The following ADAMTSL5 variants were observed in gnomAD, a reference collection of about 807,000 sequenced individuals.
ADAMTSL5 encodes the protein ADAMTS-like protein 5.
ADAMTSL5 carries 53 observed loss-of-function variants against 51.7 expected under a neutral mutation model. That is an observed-to-expected ratio of 1.03 (90% CI 0.82 to 1.29). The LOEUF is 1.29. Among genes scored for constraint, ADAMTSL5 ranks in the 50% most tolerant of loss-of-function variants. ADAMTSL5 has a pLI of 0.00. For synonymous variants in ADAMTSL5, 285 were observed against 278.7 expected, an observed-to-expected ratio of 1.02 and a Z score of -0.23; for missense variants, 770 against 676.2, an observed-to-expected ratio of 1.14 and a Z score of -1.54.
intron 8 of ADAMTSL5, 34 bp from the exon 9 acceptor site, chr19:1,507,439 C>T (rs749494871): frequency 2.8e-5 from 44 of 1,594,464 alleles, no homozygotes; most frequent in Non-Finnish European, 3.5e-5. Flanking sequence ...AGGAACCTGT[C>T]GTCTCGTCTC....
At chr19:1,507,480 A>G in intron 8 of ADAMTSL5, 75 bp from the exon 9 acceptor site, 1 of 1,610,570 alleles carries the variant, frequency 6.2e-7, no homozygotes, top group East Asian at 2.2e-5. Context: ...CTCAGGCCTC[A>G]GTCTCCCCAT....
chr19:1,511,879 A>G (rs868752501), intron 1 of ADAMTSL5: 2 of 291,376 alleles, frequency 6.9e-6, no homozygotes, highest in Middle Eastern at 1.3e-3. Context: ...GACCTGGCCC[A>G]GGTCCGTTCG....
At chr19:1,508,172 G>A in intron 6 of ADAMTSL5, 63 bp from the exon 7 acceptor site, 4 of 1,453,778 alleles carry the variant, frequency 2.8e-6, no homozygotes, top group East Asian at 2.4e-5. Context: ...TGGGGAAAGG[G>A]CAGTGCCTGG....
chr19:1,511,821 C>T (rs933709654), intron 1 of ADAMTSL5: 4 of 326,610 alleles, frequency 1.2e-5, no homozygotes, highest in African/African-American at 6.5e-5. Flanking sequence ...CCCTCAGCTC[C>T]CAGACAGCAG....
intron 5 of ADAMTSL5, 78 bp downstream of exon 5, chr19:1,510,072 C>T (rs978912503): frequency 1.7e-6 from 2 of 1,194,180 alleles, no homozygotes; most frequent in Non-Finnish European, 2.3e-6. Context: ...TCTTTGCAAC[C>T]CTCCAAGACC....
Position 1,507,253 on chromosome 19 carries a change from G to T in ADAMTSL5, c.841C>A (p.Leu281Met). Reference protein sequence around the residue: ...LQAAGPTSHDLLLQVLLQEPN... With the variant: ...LQAAGPTSHDMLLQVLLQEPN... ...AGGCCCAGTGGCACCTGTAGGAGCAGGTCATGGGAGGTGGGCCCGGCTGCT... is the reference window on the plus strand; with the variant it reads ...AGGCCCAGTGGCACCTGTAGGAGCATGTCATGGGAGGTGGGCCCGGCTGCT... The change falls in exon 9 of 12, where the codon CTG (leucine) becomes ATG (methionine). Residue 281 changes from leucine to methionine, a missense_variant. Transcript: ENST00000330475. 1 of 1,544,576 alleles carries T rather than the reference G, an allele frequency of 6.5e-7. No individual in the cohort carries two copies. Among genetic ancestry groups the T allele is most frequent in the South Asian group, 1.3e-5 (1 of 79,228 alleles).
At position 1,510,753 on chromosome 19, in the gene ADAMTSL5, G is replaced by T. The variant is rs553874207; in HGVS notation, c.100-23C>A. ...ACCCTACTTGGGGAGACAGAGGCAC[G>T]GTCAGCCTTGTAGGGGGACGCTGGT... is the stretch of plus-strand genomic sequence containing the variant. On this transcript the variant is annotated intron_variant, in intron 2 of 11. Transcript: ENST00000330475. 15 of 1,527,888 alleles carry T rather than the reference G, an allele frequency of 9.8e-6. No homozygotes were observed. The South Asian group carries it at 1.3e-4, about 14-fold the overall frequency. 94.6% of individuals were successfully genotyped at this position (1,527,888 alleles called of 1,614,324 possible).
Position 1,507,256 on chromosome 19 carries a change from C to A in ADAMTSL5, c.838G>T (p.Asp280Tyr). Residue 280 changes from aspartate to tyrosine, a missense_variant, in exon 9 of 12, where the codon GAC (aspartate) becomes TAC (tyrosine). Coordinates refer to ENST00000330475, the MANE Select transcript of ADAMTSL5 (RefSeq NM_213604.3). Reference sequence around the variant, plus strand: ...CCCAGTGGCACCTGTAGGAGCAGGTCATGGGAGGTGGGCCCGGCTGCTTGC... The same window carrying A: ...CCCAGTGGCACCTGTAGGAGCAGGTAATGGGAGGTGGGCCCGGCTGCTTGC... Reference protein sequence around the residue: ...TLQAAGPTSHDLLLQVLLQEP... With the variant: ...TLQAAGPTSHYLLLQVLLQEP... 6.5e-7 allele frequency: 1 copy of A among 1,546,564 alleles called. No individual in the cohort carries two copies. Among genetic ancestry groups the A allele is most frequent in the East Asian group, 2.3e-5 (1 of 44,376 alleles).
chr19:1,509,254 CAAAAA>C (rs753778097), intron 5 of ADAMTSL5, among the ~76,000 whole-genome samples: 326 of 49,534 alleles, frequency 6.6e-3, no homozygotes, highest in African/African-American at 0.03. Flanking sequence ...GACTCCATCT[CAAAAA>C]AAAAAAAAAA....
Position 1,508,468 on chromosome 19 carries a change from C to A in ADAMTSL5, c.464G>T (p.Gly155Val). ...DGTACSPGAQGVCVAGRCLSA... is the reference protein window; with the variant it reads ...DGTACSPGAQVVCVAGRCLSA... ...AAGGCAGCGGCCAGCCACGCAGACCCCCTGGGCACCCGGGCTGCAGGCGGT... is the reference window on the plus strand; with the variant it reads ...AAGGCAGCGGCCAGCCACGCAGACCACCTGGGCACCCGGGCTGCAGGCGGT... Residue 155 changes from glycine to valine, a missense_variant, in exon 6 of 12, where the codon GGG becomes GTG. Physicochemically the swap from Gly to Val is moderately radical, Grantham distance 109. Transcript: ENST00000330475. 6.3e-7 allele frequency: 1 copy of A among 1,576,352 alleles called. No individual in the cohort carries two copies. Among genetic ancestry groups the A allele is most frequent in the Non-Finnish European group, 8.6e-7 (1 of 1,168,028 alleles).
chr19:1,509,663 G>A (rs2656890), intron 5 of ADAMTSL5, among the ~76,000 whole-genome samples: 125,158 of 135,032 alleles, frequency 0.93, 58,051 homozygotes, highest in East Asian at 1. Flanking sequence ...GAAGGGAAGG[G>A]AGAAAGGGAA....
chr19:1,509,701 G>A (rs569229189), intron 5 of ADAMTSL5, among the ~76,000 whole-genome samples: 1 of 148,394 alleles, frequency 6.7e-6, no homozygotes, highest in Admixed American at 6.8e-5. Flanking sequence ...GGGAAGGAAG[G>A]AAGGAAATGA....
chr19:1,512,875 C>T (rs1196344380), intron 1 of ADAMTSL5, 88 bp downstream of exon 1: 1 of 152,354 alleles, frequency 6.6e-6, no homozygotes, highest in Non-Finnish European at 1.5e-5. Flanking sequence ...GGCTGCAGCC[C>T]GGACTGGCGG....
chr19:1,510,422 A>G lies in ADAMTSL5; in HGVS notation c.198T>C (p.Pro66=). The G allele has an allele frequency of 6.2e-7, 1 of 1,611,026 alleles. No homozygotes were observed. Among genetic ancestry groups the G allele is most frequent in the Non-Finnish European group, 8.5e-7 (1 of 1,179,478 alleles). The change falls in exon 4 of 12, where the codon CCT becomes CCC. Residue 66 remains proline, a synonymous_variant. Transcript: ENST00000330475. ...AGTCTCCCCAGCACGGTTCTTCCCC[A>G]GGAAGCCTGAAGGGAGACAGAGTGT... is the stretch of plus-strand genomic sequence containing the variant. The part of the protein sequence containing the change: ...SVRSRRCLRL[P]GEEPCWGDSH...
At position 1,511,798 on chromosome 19, in the gene ADAMTSL5, C is replaced by T. The variant is rs554935183; in HGVS notation, c.-217-638G>A. 326 of 329,212 alleles carry T rather than the reference C, an allele frequency of 9.9e-4. 5 individuals are homozygous for T. Among genetic ancestry groups the T allele is most frequent in the South Asian group, 7.1e-3 (310 of 43,472 alleles). 20.4% of individuals were successfully genotyped at this position (329,212 alleles called of 1,614,324 possible). A position where few individuals can be genotyped will look rare whatever the true frequency, so the allele number is the denominator to read the frequency against. ...CTAGAAGAGGCCCTCAGCTGCACCC[C>T]GGCCCCAGGGCTCCCTCAGCTCCCA... is the stretch of plus-strand genomic sequence containing the variant. On this transcript the variant is annotated intron_variant, in intron 1 of 11. Coordinates refer to ENST00000330475, the MANE Select transcript of ADAMTSL5 (RefSeq NM_213604.3).
At chr19:1,509,673 A>AGGAAGGGAG (rs1314363311) in intron 5 of ADAMTSL5, among the ~76,000 whole-genome samples, 1 of 150,968 alleles carries the variant, frequency 6.6e-6, no homozygotes, top group African/African-American at 2.4e-5. Flanking sequence ...GAGAAAGGGA[A>AGGAAGGGAG]GGAAGGGAAG....
rs778348972 is a variant in ADAMTSL5 at position 1,508,450 on chromosome 19, C to T, written c.482G>A (p.Arg161His). Residue 161 changes from arginine to histidine, a missense_variant, in exon 6 of 12, where the codon CGC becomes CAC. Arg to His is a conservative substitution (Grantham distance 29, BLOSUM62 0). Transcript: ENST00000330475. The part of the protein sequence containing the change: ...PGAQGVCVAG[R>H]CLSAGCDGLL... ...GGCCTGACGAGTCCTTACAAGGCAG[C>T]GGCCAGCCACGCAGACCCCCTGGGC... 1.7e-5 allele frequency: 26 copies of T among 1,554,834 alleles called. No homozygotes were observed. In the East Asian group the frequency reaches 5.2e-4, roughly 31 times the overall value.
At chr19:1,512,330 G>A (rs528384266) in intron 1 of ADAMTSL5, among the ~76,000 whole-genome samples, 3 of 152,284 alleles carry the variant, frequency 2.0e-5, no homozygotes, top group Non-Finnish European at 2.9e-5. Context: ...CCCTCTCTGA[G>A]CCTAGAGCCT....
At position 1,507,229 on chromosome 19, in the gene ADAMTSL5, G is replaced by C. The variant is rs944296264; in HGVS notation, c.852+13C>G. 6 of 1,527,010 alleles carry C rather than the reference G, an allele frequency of 3.9e-6. No homozygotes were observed. In the African/African-American group the frequency reaches 8.3e-5, roughly 21 times the overall value. The allele number at this position is 1,527,010 out of a possible 1,614,324, so 94.6% of individuals were successfully genotyped here. Reference sequence around the variant, plus strand: ...GCCGACCCCCTCTGACCCTGTTGGAGGCCCAGTGGCACCTGTAGGAGCAGG... The same window carrying C: ...GCCGACCCCCTCTGACCCTGTTGGACGCCCAGTGGCACCTGTAGGAGCAGG... On this transcript the variant is annotated intron_variant, in intron 9 of 11. Coordinates refer to ENST00000330475, the MANE Select transcript of ADAMTSL5 (RefSeq NM_213604.3).
Sources: gnomAD v4.1 joint callset for allele counts (sites outside exome capture counted in the v4.1 genomes callset) on GRCh38, gnomAD v4.1.1 for gene constraint, MANE v1.5 for transcripts, NCBI Gene and HGNC (gene_info 2026-07-23, HGNC 2026-07-21) for gene names.